HPD: variants seen among roughly 807,000 people sequenced by gnomAD.
HPD encodes the protein 4-hydroxyphenylpyruvate dioxygenase, also known as 4-hydroxyphenylpyruvic acid oxidase.
In HPD, 35 loss-of-function variants were observed where a neutral mutation model predicts 56.9. The observed-to-expected ratio is 0.62, with a 90% CI of 0.47 to 0.82. The LOEUF (loss-of-function observed/expected upper bound fraction) is 0.82, where lower values mean the gene tolerates loss of function less well. Ranked by LOEUF, HPD falls within the 40% of genes least tolerant of loss-of-function variation. The pLI, the probability that HPD is intolerant of heterozygous loss-of-function variation, is 0.00. For synonymous variants in HPD, 186 were observed against 200.2 expected (o/e 0.93, Z 0.60); for missense variants, 442 against 506.8 (o/e 0.87, Z 1.23).
chr12:121,853,951 TAAAAAA>T (rs1411590920), intron 7 of HPD, among the ~76,000 whole-genome samples: 1 of 110,074 alleles, frequency 9.1e-6, no homozygotes, highest in Non-Finnish European at 1.9e-5. Context: ...GAAAAAAGAA[TAAAAAA>T]AAAAGAAAAA....
intron 12 of HPD, among the ~76,000 whole-genome samples, chr12:121,840,363 C>G (rs1307687543): frequency 6.6e-6 from 1 of 152,136 alleles, no homozygotes; most frequent in African/African-American, 2.4e-5. Flanking sequence ...TGCGGTGGCG[C>G]AATCTTGGCT....
At chr12:121,888,140 ACT>A in the HPD span, among the ~76,000 whole-genome samples, 1 of 152,210 alleles carries the variant, frequency 6.6e-6, no homozygotes, top group Non-Finnish European at 1.5e-5. Context: ...ATAAATAAAC[ACT>A]GTTACCGTTA....
intron 3 of HPD, 88 bp downstream of exon 3, chr12:121,857,669 A>C (rs1245426506): frequency 1.7e-6 from 2 of 1,174,292 alleles, no homozygotes; most frequent in Non-Finnish European, 2.6e-6. Context: ...CCCAAGGGCC[A>C]ATCACAGACC....
Position 121,857,422 on chromosome 12 carries a change from A to C in HPD, c.104T>G (p.Phe35Cys). The C allele has an allele frequency of 4.3e-6, 7 of 1,611,866 alleles. No homozygotes were observed. The highest frequency in any genetic ancestry group is 5.1e-6 in the Non-Finnish European group (6 of 1,177,970). Residue 35 changes from phenylalanine to cysteine, a missense_variant, in exon 4 of 14, where the codon TTC (phenylalanine) becomes TGC (cysteine). Phe to Cys is a radical substitution (Grantham distance 205). Coordinates refer to ENST00000289004, the MANE Select transcript of HPD (RefSeq NM_002150.3). Reference protein sequence around the residue: ...WVGNAKQATSFYCSKMGFEPL... With the variant: ...WVGNAKQATSCYCSKMGFEPL... Reference sequence around the variant, plus strand: ...TTCAAAGCCCATCTTGCTGCAGTAGAATGACGTGGCCTGAATCACAGGGTT... The same window carrying C: ...TTCAAAGCCCATCTTGCTGCAGTAGCATGACGTGGCCTGAATCACAGGGTT...
At chr12:121,865,063 T>C (rs1426672246), upstream of HPD, among the ~76,000 whole-genome samples, 1 of 151,098 alleles carries the variant, frequency 6.6e-6, no homozygotes, top group Non-Finnish European at 1.5e-5. Context: ...AGGTCAGGAG[T>C]TCGAGACCAG....
At chr12:121,843,160 C>A (rs764080030) in intron 12 of HPD, among the ~76,000 whole-genome samples, 40 of 152,136 alleles carry the variant, frequency 2.6e-4, no homozygotes, top group Admixed American at 2.2e-3. Flanking sequence ...ACTGCTAAAA[C>A]CAAACCAAAA....
chr12:121,861,470 C>G (rs577911571), upstream of HPD, among the ~76,000 whole-genome samples: 10 of 152,194 alleles, frequency 6.6e-5, no homozygotes. Context: ...CCACTGCGCT[C>G]CAGCCTGGGC....
At chr12:121,861,157 G>A (rs1256543440), upstream of HPD, among the ~76,000 whole-genome samples, 7 of 152,030 alleles carry the variant, frequency 4.6e-5, no homozygotes, top group South Asian at 1.0e-3. Context: ...CCAATATGGT[G>A]AAACACCGTC....
intron 12 of HPD, among the ~76,000 whole-genome samples, chr12:121,842,583 G>A (rs557836131): frequency 2.0e-5 from 3 of 151,492 alleles, no homozygotes; most frequent in East Asian, 1.9e-4. Flanking sequence ...AGATCACCAC[G>A]CACAGCTAAT....
the HPD span, among the ~76,000 whole-genome samples, chr12:121,872,914 G>A: frequency 2.0e-5 from 3 of 152,004 alleles, no homozygotes; most frequent in Non-Finnish European, 4.4e-5. Context: ...ACAAGCTCCT[G>A]GATGAGTCAA....
intron 7 of HPD, among the ~76,000 whole-genome samples, chr12:121,850,472 C>CAT (rs1877730430): frequency 8.3e-6 from 1 of 120,166 alleles, no homozygotes; most frequent in Non-Finnish European, 1.7e-5. Flanking sequence ...CTTTAACCAT[C>CAT]TTTTTTTTTT....
At chr12:121,888,436 T>C in the HPD span, among the ~76,000 whole-genome samples, 1 of 152,140 alleles carries the variant, frequency 6.6e-6, no homozygotes, top group Non-Finnish European at 1.5e-5. Context: ...TTAATGTATT[T>C]TGTAAATCCT....
chr12:121,865,599 A>G (rs1291914203), upstream of HPD, among the ~76,000 whole-genome samples: 1 of 151,790 alleles, frequency 6.6e-6, no homozygotes, highest in Middle Eastern at 3.2e-3. Flanking sequence ...AAAGGAAAAA[A>G]AAAAAGAAAG....
chr12:121,854,321 T>C (rs1427474888), intron 7 of HPD, among the ~76,000 whole-genome samples: 1 of 152,164 alleles, frequency 6.6e-6, no homozygotes, highest in Non-Finnish European at 1.5e-5. Flanking sequence ...TAAGCGCATG[T>C]CCCAGACCAC....
the HPD span, among the ~76,000 whole-genome samples, chr12:121,886,827 C>T: frequency 6.6e-6 from 1 of 152,134 alleles, no homozygotes; most frequent in African/African-American, 2.4e-5. Flanking sequence ...TGCTGTTTCT[C>T]ATTAAATAAT....
chr12:121,873,284 A>G, the HPD span, among the ~76,000 whole-genome samples: 9 of 152,264 alleles, frequency 5.9e-5, no homozygotes, highest in Admixed American at 1.3e-4. Flanking sequence ...GTCACCTCCT[A>G]TCGGATCTGC....
intron 7 of HPD, among the ~76,000 whole-genome samples, chr12:121,853,814 G>A (rs1299018526): frequency 6.6e-6 from 1 of 151,698 alleles, no homozygotes. Context: ...TGTGCGGGTG[G>A]ATGCCTGTAA....
intron 11 of HPD, among the ~76,000 whole-genome samples, chr12:121,845,161 T>C (rs996089012): frequency 6.0e-5 from 9 of 149,648 alleles, no homozygotes; most frequent in Admixed American, 6.6e-5. Context: ...TCACCCAGGC[T>C]GCAGTGCAGT....
intron 7 of HPD, 84 bp from the exon 8 acceptor site, chr12:121,849,874 C>A: frequency 1.1e-6 from 1 of 883,714 alleles, no homozygotes; most frequent in Non-Finnish European, 1.9e-6. Flanking sequence ...CTAACGTAGC[C>A]CCGGGTTCCA....
Sources: allele counts gnomAD v4.1 joint callset (sites outside exome capture counted in the v4.1 genomes callset), GRCh38; gene constraint gnomAD v4.1.1; transcripts MANE v1.5; gene names NCBI Gene and HGNC (gene_info 2026-07-23, HGNC 2026-07-21).